The following WWC2 variants were observed in gnomAD, a reference collection of about 807,000 sequenced individuals.
WWC2 encodes the protein WW and C2 domain containing 2.
WWC2 carries 101 observed loss-of-function variants against 138.5 expected under a neutral mutation model. The ratio of observed to expected loss-of-function variants is 0.73; its 90% CI spans 0.62 to 0.86. The LOEUF is 0.86. Ranked by LOEUF, WWC2 falls within the 40% of genes least tolerant of loss-of-function variation. WWC2 has a pLI of 0.00. For missense variants in WWC2, 1,420 were observed against 1,419.4 expected, an observed-to-expected ratio of 1.00 and a Z score of -0.01; for synonymous variants, 558 against 538.4, an observed-to-expected ratio of 1.04 and a Z score of -0.50.
chr4:183,267,222 G>A (rs1353878640), intron 14 of WWC2, among the ~76,000 whole-genome samples: 1 of 152,046 alleles, frequency 6.6e-6, no homozygotes, highest in Non-Finnish European at 1.5e-5. Context: ...TCCAGGAGGA[G>A]GGTGAGCTTA....
intron 21 of WWC2, among the ~76,000 whole-genome samples, chr4:183,302,544 A>G (rs756993265): frequency 1.3e-5 from 2 of 149,106 alleles, no homozygotes; most frequent in Non-Finnish European, 3.0e-5. Flanking sequence ...TGTCAGGTAC[A>G]GTAAGAGGCA....
chr4:183,113,099 C>G (rs1399939759), intron 1 of WWC2, among the ~76,000 whole-genome samples: 1 of 151,922 alleles, frequency 6.6e-6, no homozygotes, highest in Non-Finnish European at 1.5e-5. Context: ...ATGGCAAAAC[C>G]CCATCTCTAC....
chr4:183,154,790 C>T (rs145320059), intron 1 of WWC2, among the ~76,000 whole-genome samples: 2 of 152,258 alleles, frequency 1.3e-5, no homozygotes, highest in East Asian at 3.9e-4. Context: ...AGTAGATATG[C>T]CGTATAGCCA....
intron 20 of WWC2, among the ~76,000 whole-genome samples, chr4:183,286,489 A>G (rs112508503): frequency 7.9e-5 from 12 of 152,256 alleles, no homozygotes; most frequent in African/African-American, 2.9e-4. Context: ...TAGCTTGCTT[A>G]CACAGATATC....
chr4:183,157,207 T>G (rs976322435), intron 1 of WWC2, among the ~76,000 whole-genome samples: 36 of 152,242 alleles, frequency 2.4e-4, no homozygotes, highest in Non-Finnish European at 2.9e-5. Flanking sequence ...TTTTCATAAA[T>G]TTGACATTTT....
At chr4:183,236,183 C>G (rs1736418440) in intron 4 of WWC2, among the ~76,000 whole-genome samples, 1 of 152,096 alleles carries the variant, frequency 6.6e-6, no homozygotes, top group Non-Finnish European at 1.5e-5. Flanking sequence ...GATTTGTTTG[C>G]TGGTTTTCTA....
At chr4:183,282,594 T>G (rs1324688298) in intron 17 of WWC2, 114 bp from the exon 18 acceptor site, 2 of 1,071,004 alleles carry the variant, frequency 1.9e-6, no homozygotes, top group Non-Finnish European at 2.7e-6. Flanking sequence ...AAGAAATGGC[T>G]TGGCTCATTG....
At chr4:183,147,142 ACTTTT>A (rs1163172837) in intron 1 of WWC2, among the ~76,000 whole-genome samples, 1 of 152,152 alleles carries the variant, frequency 6.6e-6, no homozygotes. Flanking sequence ...TCACAGGCAA[ACTTTT>A]CTTACTCCTC....
chr4:183,154,968 T>A (rs571500994), intron 1 of WWC2, among the ~76,000 whole-genome samples: 1 of 152,222 alleles, frequency 6.6e-6, no homozygotes, highest in African/African-American at 2.4e-5. Flanking sequence ...ACCGCCTTGC[T>A]CTCGCAGCTG....
At chr4:183,255,866 G>A (rs1321492474) in intron 9 of WWC2, among the ~76,000 whole-genome samples, 2 of 146,586 alleles carry the variant, frequency 1.4e-5, no homozygotes, top group Non-Finnish European at 2.9e-5. Flanking sequence ...TGAAATAGGA[G>A]GCTTTTTTTC....
chr4:183,134,512 A>C (rs918833454), intron 1 of WWC2, among the ~76,000 whole-genome samples: 1 of 152,134 alleles, frequency 6.6e-6, no homozygotes, highest in Non-Finnish European at 1.5e-5. Flanking sequence ...TTTTACCCCT[A>C]ACTATTTAGA....
chr4:183,163,023 AAAGCTTTGAG>A (rs544845432), intron 1 of WWC2, among the ~76,000 whole-genome samples: 1 of 152,202 alleles, frequency 6.6e-6, no homozygotes, highest in Non-Finnish European at 1.5e-5. Context: ...CTAGCAGTAA[AAAGCTTTGAG>A]ATAAAACAGC....
intron 1 of WWC2, among the ~76,000 whole-genome samples, chr4:183,143,929 C>T (rs922030874): frequency 2.6e-5 from 4 of 152,000 alleles, no homozygotes; most frequent in Non-Finnish European, 4.4e-5. Flanking sequence ...GAAGGTGGTA[C>T]GTATTTTAAG....
Position 183,149,817 on chromosome 4 carries a change from G to A in WWC2, c.132-43782G>A, listed in dbSNP as rs187683575. Among the ~76,000 whole-genome samples, 80 of 152,146 alleles carry A rather than the reference G, an allele frequency of 5.3e-4. 1 individual carries two copies. The East Asian group carries it at 9.8e-3, about 19-fold the overall frequency. ...CACAGTGTCTGAGATGTTAGCAGCC[G>A]TTGATATCTACTGTCTAGATCCGTG... On this transcript the variant is annotated intron_variant, in intron 1 of 22. Transcript: ENST00000403733.
At chr4:183,285,745 G>A (rs189124435) in intron 19 of WWC2, among the ~76,000 whole-genome samples, 159 of 152,166 alleles carry the variant, frequency 1.0e-3, no homozygotes, top group African/African-American at 3.3e-3. Context: ...GGGTGACAGA[G>A]TGAGACTCTG....
intron 17 of WWC2, among the ~76,000 whole-genome samples, chr4:183,282,309 A>T (rs1224076567): frequency 6.6e-6 from 1 of 152,232 alleles, no homozygotes; most frequent in Non-Finnish European, 1.5e-5. Context: ...GAGGATTTAA[A>T]ATCCTTATTT....
chr4:183,103,802 T>C (rs956262865), intron 1 of WWC2, among the ~76,000 whole-genome samples: 5 of 150,126 alleles, frequency 3.3e-5, no homozygotes, highest in Non-Finnish European at 7.4e-5. Flanking sequence ...CCCAGATAAT[T>C]TTTTTGTATT....
At chr4:183,145,547 A>C (rs1462137889) in intron 1 of WWC2, among the ~76,000 whole-genome samples, 1 of 152,226 alleles carries the variant, frequency 6.6e-6, no homozygotes, top group Non-Finnish European at 1.5e-5. Flanking sequence ...AGTGGTCACA[A>C]TATAGCCACA....
intron 16 of WWC2, among the ~76,000 whole-genome samples, chr4:183,271,482 C>T (rs538096376): frequency 2.6e-4 from 39 of 152,102 alleles, no homozygotes; most frequent in Non-Finnish European, 4.9e-4. Flanking sequence ...GCTCACACTT[C>T]CTTGTAAAAA....
Sources: allele counts gnomAD v4.1 joint callset (sites outside exome capture counted in the v4.1 genomes callset), GRCh38; gene constraint gnomAD v4.1.1; transcripts MANE v1.5; gene names NCBI Gene and HGNC (gene_info 2026-07-23, HGNC 2026-07-21).